The following GINS2 variants were observed in gnomAD, a reference collection of about 807,000 sequenced individuals.
GINS2 encodes the protein GINS complex subunit 2.
GINS2 carries 23 observed loss-of-function variants against 21.2 expected under a neutral mutation model. The observed-to-expected ratio is 1.08, with a 90% CI of 0.78 to 1.53. The LOEUF (loss-of-function observed/expected upper bound fraction) is 1.53. Among genes scored for constraint, GINS2 ranks in the 40% most tolerant of loss-of-function variants. The pLI, the probability that GINS2 is intolerant of heterozygous loss-of-function variation, is 0.00. For missense variants in GINS2, 323 were observed against 233.9 expected, an observed-to-expected ratio of 1.38 and a Z score of -2.49; for synonymous variants, 118 against 85.6, an observed-to-expected ratio of 1.38 and a Z score of -2.09.
chr16:85,684,746 A>G (rs1403961662), intron 2 of GINS2, among the ~76,000 whole-genome samples: 1 of 150,768 alleles, frequency 6.6e-6, no homozygotes, highest in Non-Finnish European at 1.5e-5. Flanking sequence ...AAAAAATGAC[A>G]TACTAGATTA....
At chr16:85,684,711 GT>G (rs1260003580) in intron 2 of GINS2, among the ~76,000 whole-genome samples, 1 of 151,110 alleles carries the variant, frequency 6.6e-6, no homozygotes, top group Non-Finnish European at 1.5e-5. Context: ...CTCAAAAACA[GT>G]GTTGGATAAG....
rs752631926 is a variant in GINS2 at position 85,685,670 on chromosome 16, C to CAAAAAAAAAAAAAAA, written c.205+1775_205+1789dup. Among the ~76,000 whole-genome samples, 16 of 55,282 alleles carry CAAAAAAAAAAAAAAA rather than the reference C, an allele frequency of 2.9e-4. 1 individual carries two copies. Among genetic ancestry groups the CAAAAAAAAAAAAAAA allele is most frequent in the African/African-American group, 9.1e-4 (15 of 16,424 alleles). 36.3% of individuals were successfully genotyped at this position (55,282 alleles called of 152,430 possible). Reference sequence around the variant, plus strand: ...TGGGTGACAGAGCAAGACCCTTTCTCAAAAAAAAAAAAAAAAAAAAACCGT... The same window carrying CAAAAAAAAAAAAAAA: ...TGGGTGACAGAGCAAGACCCTTTCTCAAAAAAAAAAAAAAAAAAAAAAAAAAAAAAAAAAAACCGT... On this transcript the variant is annotated intron_variant, in intron 2 of 4. Coordinates refer to ENST00000253462, the MANE Select transcript of GINS2 (RefSeq NM_016095.3).
intron 1 of GINS2, among the ~76,000 whole-genome samples, chr16:85,688,518 C>T (rs1176494988): frequency 6.6e-6 from 1 of 152,236 alleles, no homozygotes; most frequent in Non-Finnish European, 1.5e-5. Flanking sequence ...TGCACTCCAG[C>T]CTGGGCGACA....
chr16:85,681,849 GCCT>G (rs2053736040), intron 2 of GINS2, among the ~76,000 whole-genome samples, 168 bp from the exon 3 acceptor site: 1 of 151,996 alleles, frequency 6.6e-6, no homozygotes, highest in Non-Finnish European at 1.5e-5. Flanking sequence ...ATGATTTGAG[GCCT>G]CCTCCTTGAA....
At position 85,678,572 on chromosome 16, in the gene GINS2, T is replaced by C. The variant is rs762251853; in HGVS notation, c.400A>G (p.Ser134Gly). The change falls in exon 4 of 5, where the codon AGC (serine) becomes GGC (glycine). Residue 134 changes from serine to glycine, a missense_variant. Coordinates refer to ENST00000253462, the MANE Select transcript of GINS2 (RefSeq NM_016095.3). The part of the protein sequence containing the change: ...RIAKLRVSAD[S>G]FVRQQEAHAK... The stretch of plus-strand genomic sequence containing the variant: ...TGTGCCTCCTGCTGTCTCACAAAGC[T>C]GTCAGCAGACACTCGGAGTTTGGCT... 2.4e-5 allele frequency: 38 copies of C among 1,613,820 alleles called. No individual in the cohort carries two copies. In the Admixed American group the frequency reaches 5.2e-4, roughly 22 times the overall value.
chr16:85,682,601 G>A (rs750545194), intron 2 of GINS2, among the ~76,000 whole-genome samples: 4 of 151,902 alleles, frequency 2.6e-5, no homozygotes, highest in Non-Finnish European at 2.9e-5. Flanking sequence ...GCCTGGGCAC[G>A]ATACAATATC....
chr16:85,688,419 A>C (rs1018727764), intron 1 of GINS2, among the ~76,000 whole-genome samples: 1 of 149,000 alleles, frequency 6.7e-6, no homozygotes, highest in African/African-American at 2.5e-5. Context: ...GGTGGCGGGC[A>C]CCTGTAACAG....
chr16:85,688,793 C>A lies in GINS2; in HGVS notation c.90+16G>T. On this transcript the variant is annotated intron_variant, in intron 1 of 4. Transcript: ENST00000253462. ...CCAGCCCGGCCTCCCCTCCCCACGGCGGGCCCAGGCCTCACCCCGATGAGG... is the reference window on the plus strand; with the variant it reads ...CCAGCCCGGCCTCCCCTCCCCACGGAGGGCCCAGGCCTCACCCCGATGAGG... The A allele has an allele frequency of 6.8e-7, 1 of 1,477,004 alleles. No homozygotes were observed. Among genetic ancestry groups the A allele is most frequent in the Non-Finnish European group, 9.1e-7 (1 of 1,098,966 alleles). 91.5% of individuals were successfully genotyped at this position (1,477,004 alleles called of 1,614,324 possible). A position where few individuals can be genotyped will look rare whatever the true frequency, so the allele number is the denominator to read the frequency against.
intron 2 of GINS2, among the ~76,000 whole-genome samples, chr16:85,685,238 G>T (rs1307033560): frequency 6.6e-6 from 1 of 152,188 alleles, no homozygotes; most frequent in African/African-American, 2.4e-5. Flanking sequence ...CACACCTTCT[G>T]ACTCTAGCCT....
Position 85,678,604 on chromosome 16 carries a change from G to A in GINS2, c.368C>T (p.Thr123Ile). 6.2e-7 allele frequency: 1 copy of A among 1,613,942 alleles called. No individual in the cohort carries two copies. Among genetic ancestry groups the A allele is most frequent in the Non-Finnish European group, 8.5e-7 (1 of 1,179,920 alleles). The change falls in exon 4 of 5, where the codon ACT becomes ATT. Residue 123 changes from threonine (T) to isoleucine (I), a missense_variant. Coordinates refer to ENST00000253462, the MANE Select transcript of GINS2 (RefSeq NM_016095.3). ...IRTLVKDMWD[T>I]RIAKLRVSAD... is the part of the protein sequence containing the mutation. Reference sequence around the variant, plus strand: ...AGACACTCGGAGTTTGGCTATACGAGTGTCCCACATATCCTTGACCAGGGT... The same window carrying A: ...AGACACTCGGAGTTTGGCTATACGAATGTCCCACATATCCTTGACCAGGGT...
At chr16:85,684,707 A>T (rs2053760634) in intron 2 of GINS2, among the ~76,000 whole-genome samples, 1 of 151,084 alleles carries the variant, frequency 6.6e-6, no homozygotes. Flanking sequence ...AAATCTCAAA[A>T]ACAGTGTTGG....
Position 85,684,844 on chromosome 16 carries a change from G to C in GINS2, c.205+2616C>G, listed in dbSNP as rs374897466. On this transcript the variant is annotated intron_variant, in intron 2 of 4. Transcript: ENST00000253462. ...GCTGTATCTCCCAGGCTGGAGTACA[G>C]TGGCGCGATCTCAGCTCACTGCAAC... Among the ~76,000 whole-genome samples the C allele has an allele frequency of 1.3e-4, 19 of 151,780 alleles. No homozygotes were observed. The East Asian group carries it at 3.3e-3, about 26-fold the overall frequency.
rs1484442133 is a variant in GINS2, at chr16:85,678,633, G to A, written c.339C>T (p.Ile113=). 6.2e-7 allele frequency: 1 copy of A among 1,613,754 alleles called. No homozygotes were observed. The highest frequency in any genetic ancestry group is 8.5e-7 in the Non-Finnish European group (1 of 1,180,000). Residue 113 remains isoleucine (I), a synonymous_variant, in exon 4 of 5, where the codon ATC becomes ATT. Transcript: ENST00000253462. ...CCCACATATCCTTGACCAGGGTCCG[G>A]ATTTCGTCTGCCTTCGGGATGTTGT... ...ASDNIPKADE[I]RTLVKDMWDT...
rs1017777948 is a variant in GINS2, at chr16:85,685,438, G to A, written c.205+2022C>T. ...CATCTGTAATCCCAGCACTCTGAGAGGATCACTGGAGCCCAGAAGTTTGAC... is the reference window on the plus strand; with the variant it reads ...CATCTGTAATCCCAGCACTCTGAGAAGATCACTGGAGCCCAGAAGTTTGAC... On this transcript the variant is annotated intron_variant, in intron 2 of 4. Transcript: ENST00000253462. Among the ~76,000 whole-genome samples, 3 of 151,816 alleles carry A rather than the reference G, an allele frequency of 2.0e-5. No individual in the cohort carries two copies. The South Asian group carries it at 6.2e-4, about 32-fold the overall frequency.
At chr16:85,686,980 G>A (rs945316380) in intron 2 of GINS2, among the ~76,000 whole-genome samples, 2 of 152,198 alleles carry the variant, frequency 1.3e-5, no homozygotes, top group Non-Finnish European at 2.9e-5. Flanking sequence ...AATCCCAGCA[G>A]ATCTGCCAAG....
rs761400053 is a variant in GINS2, at chr16:85,687,485, C to G, written c.180G>C (p.Leu60=). The G allele has an allele frequency of 6.3e-7, 1 of 1,585,064 alleles. No homozygotes were observed. The part of the protein sequence containing the change: ...INLKQRQKCR[L]LPPEWMDVEK... ...CTACATCCATCCACTCTGGAGGGAG[C>G]AGGCGACATTTCTGTCTTTGTTTCA... The change falls in exon 2 of 5, where the codon CTG becomes CTC. Residue 60 remains leucine (L), a synonymous_variant. Transcript: ENST00000253462.
intron 4 of GINS2, 41 bp downstream of exon 4, chr16:85,678,499 C>T (rs3815795): frequency 0.28 from 444,386 of 1,598,238 alleles, 64,881 homozygotes; most frequent in Middle Eastern, 0.31. Context: ...TGAAATTATG[C>T]GGCATCAAGG....
intron 3 of GINS2, among the ~76,000 whole-genome samples, chr16:85,681,216 T>C (rs1390857539): frequency 6.6e-6 from 1 of 152,122 alleles, no homozygotes; most frequent in East Asian, 1.9e-4. Flanking sequence ...ATAAAACACA[T>C]ACATGGCAAA....
intron 3 of GINS2, among the ~76,000 whole-genome samples, chr16:85,681,159 C>T (rs2053728992): frequency 6.6e-6 from 1 of 152,186 alleles, no homozygotes; most frequent in African/African-American, 2.4e-5. Context: ...CACAAAAAAA[C>T]TCAAATCCAC....
Sources: gnomAD v4.1 joint callset for allele counts (sites outside exome capture counted in the v4.1 genomes callset) on GRCh38, gnomAD v4.1.1 for gene constraint, MANE v1.5 for transcripts, NCBI Gene and HGNC (gene_info 2026-07-23, HGNC 2026-07-21) for gene names.